Variants in QSER1 observed in about 807,000 individuals in gnomAD.
QSER1 encodes the protein glutamine and serine-rich protein 1.
Under a neutral mutation model 158.5 loss-of-function variants are expected in QSER1, and 49 were observed. The observed-to-expected ratio is 0.31, with a 90% CI of 0.25 to 0.39. The LOEUF (loss-of-function observed/expected upper bound fraction) is 0.39. Ranked by LOEUF, QSER1 falls within the 10% of genes least tolerant of loss-of-function variation. QSER1 has a pLI of 1.00. For synonymous variants in QSER1, 650 were observed against 715.5 expected, an observed-to-expected ratio of 0.91 and a Z score of 1.46; for missense variants, 1,754 against 2,010.3, an observed-to-expected ratio of 0.87 and a Z score of 2.44.
At chr11:32,924,560 CAAA>C (rs371281813) in intron 1 of QSER1, among the ~76,000 whole-genome samples, 10 of 58,502 alleles carry the variant, frequency 1.7e-4, no homozygotes, top group Admixed American at 3.9e-4. Flanking sequence ...GACCCTGTCT[CAAA>C]AAAAAAAAAA....
intron 12 of QSER1, 39 bp downstream of exon 12, chr11:32,975,382 G>T (rs750744931): frequency 7.5e-6 from 12 of 1,602,094 alleles, no homozygotes; most frequent in Non-Finnish European, 1.0e-5. Context: ...ATGTTTTTCA[G>T]AATGTTAAGG....
In QSER1 at chr11:32,933,104, T is replaced by G. The variant is rs1162493098; in HGVS notation, c.1846T>G (p.Ser616Ala). 6.2e-7 allele frequency: 1 copy of G among 1,613,732 alleles called. No individual in the cohort carries two copies. Among genetic ancestry groups the G allele is most frequent in the Non-Finnish European group, 8.5e-7 (1 of 1,179,958 alleles). ...SASRAQNLPDSSPTQNYISMH... is the reference protein window; with the variant it reads ...SASRAQNLPDASPTQNYISMH... Reference sequence around the variant, plus strand: ...CTCTCGGGCTCAGAATTTGCCAGACTCTAGCCCGACCCAGAATTATATTTC... The same window carrying G: ...CTCTCGGGCTCAGAATTTGCCAGACGCTAGCCCGACCCAGAATTATATTTC... The change falls in exon 4 of 13, where the codon TCT (serine) becomes GCT (alanine). Residue 616 changes from serine to alanine, a missense_variant. Physicochemically the swap from Ser to Ala is moderately conservative, Grantham distance 99. This residue lies in a region of QSER1 where 1,707 missense variants were observed against 1,919.6 expected (regional missense o/e 0.89). Coordinates refer to ENST00000650167, the MANE Select transcript of QSER1 (RefSeq NM_001076786.3).
chr11:32,898,272 A>G (rs1051082711), intron 1 of QSER1, among the ~76,000 whole-genome samples: 1 of 152,116 alleles, frequency 6.6e-6, no homozygotes, highest in African/African-American at 2.4e-5. Flanking sequence ...CTTGAGCCCA[A>G]GAGTTTGAGA....
At chr11:32,973,330 A>C in intron 10 of QSER1, 67 bp from the exon 11 acceptor site, 1 of 1,525,202 alleles carries the variant, frequency 6.6e-7, no homozygotes, top group Non-Finnish European at 9.0e-7. Flanking sequence ...TCTAAATTTT[A>C]GATAGCTAGA....
chr11:32,936,692 A>G (rs927137907), intron 4 of QSER1, among the ~76,000 whole-genome samples: 56 of 152,170 alleles, frequency 3.7e-4, no homozygotes, highest in African/African-American at 1.3e-3. Context: ...TGGAATCTGA[A>G]CCCAGGTTTT....
chr11:32,966,837 A>T (rs1852758131), intron 9 of QSER1, among the ~76,000 whole-genome samples: 1 of 152,266 alleles, frequency 6.6e-6, no homozygotes, highest in African/African-American at 2.4e-5. Context: ...TTTGTAAAAG[A>T]TACATCATAG....
rs1005367827 is a variant in QSER1 at position 32,976,900 on chromosome 11, T to C, written c.*426T>C. 5.6e-6 allele frequency: 1 copy of C among 178,100 alleles called. No homozygotes were observed. The highest frequency in any genetic ancestry group is 1.2e-5 in the Non-Finnish European group (1 of 86,072). 11.0% of individuals were successfully genotyped at this position (178,100 alleles called of 1,614,324 possible). On this transcript the variant is annotated 3_prime_UTR_variant, in exon 13 of 13. Transcript: ENST00000650167. ...GAAACCATATGTTTGTACTCACATC[T>C]GGCCACAAAACCAGAAATACTGTAC...
At chr11:32,936,279 A>C (rs1852152311) in intron 4 of QSER1, among the ~76,000 whole-genome samples, 1 of 148,734 alleles carries the variant, frequency 6.7e-6, no homozygotes, top group African/African-American at 2.5e-5. Context: ...GAGTGAGAAC[A>C]CGTGGTGTTT....
rs548323300 is a variant in QSER1 at position 32,893,576 on chromosome 11, G to A, written c.209+242G>A. 6.6e-6 allele frequency among the ~76,000 whole-genome samples: 1 copy of A among 152,166 alleles called. No individual in the cohort carries two copies. The highest frequency in any genetic ancestry group is 1.5e-5 in the Non-Finnish European group (1 of 68,028). On this transcript the variant is annotated intron_variant, in intron 1 of 12. Coordinates refer to ENST00000650167, the MANE Select transcript of QSER1 (RefSeq NM_001076786.3). The surrounding 1 kb of genome is among the most constrained non-coding windows in gnomAD (Gnocchi z 4.7). Reference sequence around the variant, plus strand: ...GTGAAGGAATAGCTGGGCGGGAGTCGTGGGGCTCCGTCACCTCTTGGGTCC... The same window carrying A: ...GTGAAGGAATAGCTGGGCGGGAGTCATGGGGCTCCGTCACCTCTTGGGTCC...
chr11:32,937,580 G>A (rs1399074596), intron 4 of QSER1, among the ~76,000 whole-genome samples: 6 of 152,090 alleles, frequency 3.9e-5, no homozygotes, highest in Non-Finnish European at 1.5e-5. Context: ...GAGCCACTGC[G>A]CCTGGCCTAG....
At chr11:32,970,526 T>G (rs750874736) in intron 10 of QSER1, among the ~76,000 whole-genome samples, 1 of 152,154 alleles carries the variant, frequency 6.6e-6, no homozygotes, top group Non-Finnish European at 1.5e-5. Flanking sequence ...TGCCTCAGCC[T>G]CCCAAGTAGC....
chr11:32,923,533 C>G (rs1249610351), intron 1 of QSER1, among the ~76,000 whole-genome samples: 1 of 152,020 alleles, frequency 6.6e-6, no homozygotes, highest in Non-Finnish European at 1.5e-5. Flanking sequence ...AAAAAATTAG[C>G]CTGGCGCAGT....
At position 32,967,358 on chromosome 11, in the gene QSER1, A is replaced by C. The variant is rs184288624; in HGVS notation, c.5107+921A>C. On this transcript the variant is annotated intron_variant, in intron 9 of 12. Coordinates refer to ENST00000650167, the MANE Select transcript of QSER1 (RefSeq NM_001076786.3). ...GTGAGAAAGGGGTAAGGGATGAAAA[A>C]CTACTTATGGGGTACAATGTACACT... Among the ~76,000 whole-genome samples, 523 of 152,148 alleles carry C rather than the reference A, an allele frequency of 3.4e-3. 2 individuals are homozygous for C. The highest frequency in any genetic ancestry group is 5.0e-3 in the Non-Finnish European group (342 of 67,956).
At chr11:32,925,517 T>G in intron 1 of QSER1, among the ~76,000 whole-genome samples, 1 of 150,576 alleles carries the variant, frequency 6.6e-6, no homozygotes, top group Admixed American at 6.6e-5. Context: ...TTTATTTATT[T>G]ATTTATTTAT....
Position 32,933,978 on chromosome 11 carries a change from A to T in QSER1, c.2720A>T (p.Asn907Ile), listed in dbSNP as rs370499964. The T allele has an allele frequency of 1.2e-6, 2 of 1,613,880 alleles. No individual in the cohort carries two copies. The highest frequency in any genetic ancestry group is 2.7e-5 in the African/African-American group (2 of 74,938). The part of the protein sequence containing the change: ...LQMEGHVIQS[N>I]GDHSQQQLHP... ...ATGGAAGGTCATGTTATTCAAAGCA[A>T]TGGTGATCATTCTCAGCAGCAACTC... Residue 907 changes from asparagine to isoleucine, a missense_variant, in exon 4 of 13, where the codon AAT becomes ATT. This residue lies in a region of QSER1 where 1,707 missense variants were observed against 1,919.6 expected (regional missense o/e 0.89). Coordinates refer to ENST00000650167, the MANE Select transcript of QSER1 (RefSeq NM_001076786.3).
chr11:32,903,224 G>A (rs943272501), intron 1 of QSER1, among the ~76,000 whole-genome samples: 30 of 151,948 alleles, frequency 2.0e-4, no homozygotes, highest in Non-Finnish European at 5.9e-5. Flanking sequence ...GCTTATACCA[G>A]ACTGAATGGT....
At chr11:32,951,554 C>T (rs1235621413) in intron 4 of QSER1, among the ~76,000 whole-genome samples, 1 of 152,120 alleles carries the variant, frequency 6.6e-6, no homozygotes, top group Non-Finnish European at 1.5e-5. Context: ...GTCTTCTCAT[C>T]CATCAACATG....
rs773996247 is a variant in QSER1 at position 32,935,089 on chromosome 11, A to G, written c.3831A>G (p.Gly1277=). Residue 1277 remains glycine (G), a synonymous_variant, in exon 4 of 13, where the codon GGA becomes GGG. Coordinates refer to ENST00000650167, the MANE Select transcript of QSER1 (RefSeq NM_001076786.3). ...VEEKQPEVKT[G]FIASFLDFLK... ...AAAAACAACCAGAAGTCAAAACAGGATTTATTGCTTCTTTCTTAGATTTTC... is the reference window on the plus strand; with the variant it reads ...AAAAACAACCAGAAGTCAAAACAGGGTTTATTGCTTCTTTCTTAGATTTTC... 22 of 1,613,940 alleles carry G rather than the reference A, an allele frequency of 1.4e-5. No homozygotes were observed. The highest frequency in any genetic ancestry group is 1.9e-5 in the Non-Finnish European group (22 of 1,179,998).
At position 32,957,968 on chromosome 11, in the gene QSER1, A is replaced by G. The variant is rs961736017; in HGVS notation, c.4851A>G (p.Lys1617=). 1 of 1,614,184 alleles carries G rather than the reference A, an allele frequency of 6.2e-7. No homozygotes were observed. Among genetic ancestry groups the G allele is most frequent in the African/African-American group, 1.3e-5 (1 of 75,046 alleles). Residue 1617 remains lysine (K), a synonymous_variant, in exon 8 of 13, where the codon AAA becomes AAG. Transcript: ENST00000650167. The part of the protein sequence containing the change: ...TKAPSVKPKV[K]QPKVKAEPPP... ...CCCCTTCCGTGAAACCCAAAGTTAA[A>G]CAGCCAAAAGTAAAGGCTGAGCCAC...
Sources: allele counts gnomAD v4.1 joint callset (sites outside exome capture counted in the v4.1 genomes callset), GRCh38; gene constraint gnomAD v4.1.1; regional missense constraint gnomAD v4.1.1; non-coding constraint Gnocchi (gnomAD v3.1); transcripts MANE v1.5; gene names NCBI Gene and HGNC (gene_info 2026-07-23, HGNC 2026-07-21).